ST3GAL3: variants seen among roughly 807,000 people sequenced by gnomAD.
ST3GAL3 encodes the protein ST3 beta-galactoside alpha-2,3-sialyltransferase 3, also known as CMP-N-acetylneuraminate-beta-1,4-galactoside alpha-2,3-sialyltransferase.
Under a neutral mutation model 50.1 loss-of-function variants are expected in ST3GAL3, and 21 were observed. The observed-to-expected ratio is 0.42, with a 90% confidence interval of 0.30 to 0.60. ST3GAL3 has a LOEUF of 0.60. Among genes scored for constraint, ST3GAL3 ranks in the 20% least tolerant of loss-of-function variants. The pLI is 0.19. For missense variants in ST3GAL3, 353 were observed against 489.4 expected, an observed-to-expected ratio of 0.72 and a Z score of 2.63; for synonymous variants, 183 against 190.0, an observed-to-expected ratio of 0.96 and a Z score of 0.30.
intron 2 of ST3GAL3, among the ~76,000 whole-genome samples, chr1:43,758,140 T>C (rs1688790447): frequency 6.7e-6 from 1 of 149,732 alleles, no homozygotes; most frequent in Admixed American, 6.7e-5. Flanking sequence ...TATACTATAC[T>C]ATACTCCATT....
At chr1:43,723,407 C>T (rs1024424772) in intron 1 of ST3GAL3, among the ~76,000 whole-genome samples, 1 of 151,948 alleles carries the variant, frequency 6.6e-6, no homozygotes, top group Non-Finnish European at 1.5e-5. Context: ...CCACGCCCGG[C>T]CTTCCCTCCT....
chr1:43,770,363 A>G (rs1024485021), intron 2 of ST3GAL3, among the ~76,000 whole-genome samples: 3 of 152,146 alleles, frequency 2.0e-5, no homozygotes. Flanking sequence ...ATTAACAAAC[A>G]CAAACAGAAC....
chr1:43,890,502 AT>A (rs1356157409), intron 5 of ST3GAL3, among the ~76,000 whole-genome samples: 1 of 152,230 alleles, frequency 6.6e-6, no homozygotes, highest in Non-Finnish European at 1.5e-5. Flanking sequence ...AGCTGGCTGA[AT>A]CATTCAAGGC....
chr1:43,775,122 G>T (rs891527118), intron 2 of ST3GAL3, among the ~76,000 whole-genome samples: 1 of 152,132 alleles, frequency 6.6e-6, no homozygotes, highest in Admixed American at 6.5e-5. Flanking sequence ...CTTAATCCAT[G>T]AGTACCTTGT....
At position 43,850,809 on chromosome 1, in the gene ST3GAL3, A is replaced by G; in HGVS notation, c.302+12498A>G. 9.8e-6 allele frequency: 10 copies of G among 1,016,582 alleles called. No individual in the cohort carries two copies. The South Asian group carries it at 1.3e-4, about 13-fold the overall frequency. The allele number at this position is 1,016,582 out of a possible 1,614,324, so 63.0% of individuals were successfully genotyped here. On this transcript the variant is annotated intron_variant, in intron 5 of 11. Coordinates refer to ENST00000347631, the MANE Select transcript of ST3GAL3 (RefSeq NM_006279.5). The stretch of plus-strand genomic sequence containing the variant: ...CAGAGTCATAGCTTGCTTCAGGGCC[A>G]CAGCAACCCCAGCAATGGTGTGGTT...
At chr1:43,821,169 T>C (rs945814791) in intron 4 of ST3GAL3, among the ~76,000 whole-genome samples, 1 of 152,006 alleles carries the variant, frequency 6.6e-6, no homozygotes, top group African/African-American at 2.4e-5. Context: ...GAAGTCTTAG[T>C]GAATGGGGAG....
chr1:43,904,890 T>C (rs2078953605), intron 9 of ST3GAL3, among the ~76,000 whole-genome samples: 1 of 144,350 alleles, frequency 6.9e-6, no homozygotes. Flanking sequence ...TTCCCGCCAC[T>C]CTTCCTCCCC....
chr1:43,917,627 TA>T (rs60991232), intron 9 of ST3GAL3, among the ~76,000 whole-genome samples: 7 of 66,864 alleles, frequency 1.0e-4, no homozygotes, highest in East Asian at 7.1e-4. Context: ...TTATATTATA[TA>T]TAATATATAA....
At chr1:43,852,584 G>A (rs1410299936) in intron 5 of ST3GAL3, among the ~76,000 whole-genome samples, 1 of 152,214 alleles carries the variant, frequency 6.6e-6, no homozygotes, top group Non-Finnish European at 1.5e-5. Context: ...TTGGTTTTGT[G>A]AGTGGAAATT....
chr1:43,817,570 T>TCTTCTGCTTCTTC (rs1553350867), intron 4 of ST3GAL3, among the ~76,000 whole-genome samples: 1 of 76,372 alleles, frequency 1.3e-5, no homozygotes, highest in Non-Finnish European at 2.7e-5. Context: ...TCTTCCTTCT[T>TCTTCTGCTTCTTC]CTTCTCCTTC....
At chr1:43,911,459 C>T (rs752496452) in intron 9 of ST3GAL3, among the ~76,000 whole-genome samples, 3 of 151,628 alleles carry the variant, frequency 2.0e-5, no homozygotes, top group Non-Finnish European at 4.4e-5. Flanking sequence ...AAATTCAAAC[C>T]TGTCCTTCTA....
rs190698010 is a variant in ST3GAL3 at position 43,828,178 on chromosome 1, A to G, written c.210-10041A>G. ...AAAAGGATAATTTTTTCAATAAATG[A>G]TACTGGAATAATTAGATATCTGTAT... On this transcript the variant is annotated intron_variant, in intron 4 of 11. Coordinates refer to ENST00000347631, the MANE Select transcript of ST3GAL3 (RefSeq NM_006279.5). 4.5e-4 allele frequency among the ~76,000 whole-genome samples: 68 copies of G among 152,366 alleles called. 1 individual carries two copies. Among genetic ancestry groups the G allele is most frequent in the African/African-American group, 1.6e-3 (65 of 41,586 alleles).
At chr1:43,811,544 A>T (rs1340101526) in intron 3 of ST3GAL3, among the ~76,000 whole-genome samples, 1 of 152,154 alleles carries the variant, frequency 6.6e-6, no homozygotes, top group Admixed American at 6.5e-5. Context: ...CTGTTGGCCG[A>T]GGGCCTGTCA....
intron 4 of ST3GAL3, among the ~76,000 whole-genome samples, chr1:43,835,822 G>A (rs2154195431): frequency 6.6e-6 from 1 of 152,326 alleles, no homozygotes; most frequent in African/African-American, 2.4e-5. Context: ...CAGGCAAGCA[G>A]ATGGTGGGGA....
At chr1:43,746,769 T>C (rs1443207978) in intron 2 of ST3GAL3, among the ~76,000 whole-genome samples, 3 of 131,376 alleles carry the variant, frequency 2.3e-5, no homozygotes, top group Non-Finnish European at 4.9e-5. Context: ...GCCTAGTTTT[T>C]GTTTTTTTTT....
intron 1 of ST3GAL3, among the ~76,000 whole-genome samples, chr1:43,722,921 A>T (rs540324597): frequency 6.6e-6 from 1 of 152,026 alleles, no homozygotes; most frequent in Non-Finnish European, 1.5e-5. Flanking sequence ...CATAGTTTGG[A>T]TATTTGTTCT....
intron 2 of ST3GAL3, chr1:43,772,197 G>A: frequency 2.5e-6 from 1 of 392,532 alleles, no homozygotes; most frequent in Non-Finnish European, 4.5e-6. Context: ...TTACAGGCAT[G>A]CACCACCACA....
At chr1:43,921,519 C>T in intron 11 of ST3GAL3, 1 of 399,978 alleles carries the variant, frequency 2.5e-6, no homozygotes, top group South Asian at 1.3e-4. Context: ...CAGCCTTCCA[C>T]TGATCCCAGC....
intron 2 of ST3GAL3, chr1:43,743,693 A>T: frequency 4.1e-6 from 1 of 246,770 alleles, no homozygotes; most frequent in East Asian, 1.3e-4. Context: ...GCCATGTTCC[A>T]GTAGCAGACA....
Sources: gnomAD v4.1 joint callset for allele counts (sites outside exome capture counted in the v4.1 genomes callset) on GRCh38, gnomAD v4.1.1 for gene constraint, MANE v1.5 for transcripts, NCBI Gene and HGNC (gene_info 2026-07-23, HGNC 2026-07-21) for gene names.